CCDC187: variants seen among roughly 807,000 people sequenced by gnomAD.
CCDC187 encodes the protein coiled-coil domain-containing protein 187.
CCDC187 carries 32 observed loss-of-function variants against 38.0 expected under a neutral mutation model. That is an observed-to-expected ratio of 0.84 (90% CI 0.64 to 1.13). CCDC187 has a LOEUF of 1.13. Among genes scored for constraint, CCDC187 ranks in the 50% most tolerant of loss-of-function variants. The pLI is 0.00. For missense variants in CCDC187, 707 were observed against 786.8 expected, an observed-to-expected ratio of 0.90 and a Z score of 1.21; for synonymous variants, 333 against 347.9, an observed-to-expected ratio of 0.96 and a Z score of 0.48.
chr9:136,281,601 G>A lies in CCDC187; in HGVS notation c.2990C>T (p.Pro997Leu), dbSNP rs927393303. The A allele has an allele frequency of 1.0e-5, 4 of 398,492 alleles. No homozygotes were observed. The highest frequency in any genetic ancestry group is 4.4e-5 in the Admixed American group (1 of 22,708). 24.7% of individuals were successfully genotyped at this position (398,492 alleles called of 1,614,324 possible). A position where few individuals can be genotyped will look rare whatever the true frequency, so the allele number is the denominator to read the frequency against. Residue 997 changes from proline to leucine, a missense_variant, in exon 10 of 26, where the codon CCG becomes CTG. By Grantham distance (98) the Pro-to-Leu change is moderately conservative. Transcript: ENST00000638797. The stretch of plus-strand genomic sequence containing the variant: ...CACAGAATCTGCCCCTCCGACCGAC[G>A]GCGTCTCCTCCAGTCCCAGGGAGCC... ...IWGSLGLEET[P>L]SVGGADSVAP...
chr9:136,285,182 C>T (rs1417967983), intron 9 of CCDC187, among the ~76,000 whole-genome samples: 1 of 152,100 alleles, frequency 6.6e-6, no homozygotes, highest in Non-Finnish European at 1.5e-5. Flanking sequence ...GCAAGGACCA[C>T]CCGAGTCACT....
intron 19 of CCDC187, among the ~76,000 whole-genome samples, chr9:136,262,099 C>T (rs1402046536): frequency 2.0e-5 from 3 of 152,246 alleles, no homozygotes; most frequent in African/African-American, 7.2e-5. Context: ...CCAAAGCCAA[C>T]GGCCATACGG....
intron 21 of CCDC187, 54 bp downstream of exon 21, chr9:136,259,309 G>GGGTACCAAGA (rs1830653516): frequency 2.7e-6 from 2 of 743,796 alleles, no homozygotes; most frequent in Admixed American, 6.4e-5. Flanking sequence ...TTGGGGGGGG[G>GGGTACCAAGA]TGGTCCCTGA....
chr9:136,259,950 G>A (rs1830661518), intron 20 of CCDC187, among the ~76,000 whole-genome samples, 169 bp downstream of exon 20: 1 of 152,192 alleles, frequency 6.6e-6, no homozygotes, highest in South Asian at 2.1e-4. Flanking sequence ...GTGCTCTGCT[G>A]TGCTGAGATG....
At chr9:136,259,862 G>A (rs1554760772) in intron 20 of CCDC187, among the ~76,000 whole-genome samples, 1 of 152,196 alleles carries the variant, frequency 6.6e-6, no homozygotes, top group South Asian at 2.1e-4. Context: ...TTTCCCGGCT[G>A]GCACACCCCT....
chr9:136,284,161 C>T (rs1287548187), intron 9 of CCDC187, among the ~76,000 whole-genome samples: 1 of 152,046 alleles, frequency 6.6e-6, no homozygotes, highest in Non-Finnish European at 1.5e-5. Context: ...GAAGGCTGGG[C>T]TTCGGGAGAG....
chr9:136,303,214 C>A lies in CCDC187; in HGVS notation c.223G>T (p.Ala75Ser). The A allele has an allele frequency of 2.5e-6, 1 of 398,530 alleles. No homozygotes were observed. The allele number at this position is 398,530 out of a possible 1,614,324, so 24.7% of individuals were successfully genotyped here. A position where few individuals can be genotyped will look rare whatever the true frequency, so the allele number is the denominator to read the frequency against. ...TCAGACCCGACCACGTGGGGAGCTG[C>A]CCAGGGTGGGTCTGGCTGCTGGGAG... ...GPSQQPDPPW[A>S]APHVVGSDDL... The change falls in exon 2 of 26, where the codon GCA becomes TCA. Residue 75 changes from alanine (A) to serine (S), a missense_variant. By Grantham distance (99) the Ala-to-Ser change is moderately conservative. Transcript: ENST00000638797.
chr9:136,284,961 G>C (rs1284274101), intron 9 of CCDC187, among the ~76,000 whole-genome samples: 2 of 152,124 alleles, frequency 1.3e-5, no homozygotes, highest in African/African-American at 4.8e-5. Context: ...CGCTGGGGTA[G>C]GGCAGATGCT....
At chr9:136,267,860 AG>A in intron 15 of CCDC187, 188 bp downstream of exon 15, 1 of 985,398 alleles carries the variant, frequency 1.0e-6, no homozygotes, top group South Asian at 4.7e-5. Flanking sequence ...TCTGTCACCC[AG>A]GGCGGGAGGA....
At chr9:136,305,934 C>T (rs1831796923), upstream of CCDC187, among the ~76,000 whole-genome samples, 1 of 152,202 alleles carries the variant, frequency 6.6e-6, no homozygotes. Context: ...TCAGGAGACA[C>T]ACGTCAGCTC....
intron 3 of CCDC187, among the ~76,000 whole-genome samples, chr9:136,300,008 T>TGGGTCCTGCCC (rs1325204761): frequency 1.3e-5 from 2 of 152,246 alleles, no homozygotes; most frequent in Non-Finnish European, 2.9e-5. Context: ...AGGGCCTGCC[T>TGGGTCCTGCCC]GGGTCCTGCC....
intron 10 of CCDC187, among the ~76,000 whole-genome samples, chr9:136,279,273 A>G (rs1830994122): frequency 6.6e-6 from 1 of 152,128 alleles, no homozygotes; most frequent in Admixed American, 6.5e-5. Flanking sequence ...GTTTCACTGG[A>G]CAGCTCTGCT....
At chr9:136,282,937 A>G (rs1184102884) in intron 9 of CCDC187, among the ~76,000 whole-genome samples, 3 of 152,218 alleles carry the variant, frequency 2.0e-5, no homozygotes, top group African/African-American at 4.8e-5. Context: ...GACAGAGGGG[A>G]CAGACTCACC....
rs1435720343 is a variant in CCDC187, at chr9:136,253,793, AG to A, written c.6034del (p.Leu2012TyrfsTer155). 1.1e-6 allele frequency: 1 copy of A among 924,376 alleles called. No homozygotes were observed. Among genetic ancestry groups the A allele is most frequent in the Middle Eastern group, 5.7e-4 (1 of 1,766 alleles). 57.3% of individuals were successfully genotyped at this position (924,376 alleles called of 1,614,324 possible). A position where few individuals can be genotyped will look rare whatever the true frequency, so the allele number is the denominator to read the frequency against. On this transcript the variant is annotated frameshift_variant, in exon 26 of 26. Coordinates refer to ENST00000638797, the MANE Select transcript of CCDC187 (RefSeq NM_001378188.1). LOFTEE classifies it low-confidence loss of function (END_TRUNC). ...TTGGGGAGTGGGAGGAGGTGGGGGT[AG>A]GGGGGCCTCCCTGTGGATGGAGGAC... ...LPSSIHREAPLPPPPPTPQAQ... is the reference protein window; with the variant it reads ...LPSSIHREAPXPPPPPTPQAQ...
intron 10 of CCDC187, among the ~76,000 whole-genome samples, chr9:136,277,030 G>C (rs1343258824): frequency 6.6e-6 from 1 of 151,994 alleles, no homozygotes; most frequent in Non-Finnish European, 1.5e-5. Flanking sequence ...GCCTGACCCC[G>C]GCCAGGACCA....
chr9:136,301,476 A>G (rs1378238577), intron 2 of CCDC187, among the ~76,000 whole-genome samples: 2 of 152,062 alleles, frequency 1.3e-5, no homozygotes, highest in Non-Finnish European at 2.9e-5. Flanking sequence ...GAAGATGAAC[A>G]GTCCTGGAGA....
chr9:136,286,254 G>A lies in CCDC187; in HGVS notation c.2664C>T (p.Ala888=). The A allele has an allele frequency of 2.5e-6, 1 of 398,570 alleles. No individual in the cohort carries two copies. 24.7% of individuals were successfully genotyped at this position (398,570 alleles called of 1,614,324 possible). ...CCCCTCTGCCCCAGTTGGGCCCCAAGGCTCCAGGGCAGGCTGGGGTGGCAA... is the reference window on the plus strand; with the variant it reads ...CCCCTCTGCCCCAGTTGGGCCCCAAAGCTCCAGGGCAGGCTGGGGTGGCAA... ...PTLATPACPG[A]LGPNWGRGAP... is the part of the protein sequence containing the mutation. Residue 888 remains alanine, a synonymous_variant, in exon 8 of 26, where the codon GCC becomes GCT. Transcript: ENST00000638797.
At position 136,251,912 on chromosome 9, in the gene CCDC187, CCTGGTCCACCCTGGGAAGAG is replaced by C. The variant is rs1564303154; in HGVS notation, c.*1662_*1681del. On this transcript the variant is annotated 3_prime_UTR_variant, in exon 26 of 26. Coordinates refer to ENST00000638797, the MANE Select transcript of CCDC187 (RefSeq NM_001378188.1). ...ACCGTCCCGCGGAGCCGGCCGCCCACCTGGTCCACCCTGGGAAGAGCCGGCCGCCCACCCAGTCCACCCCG... is the reference window on the plus strand; with the variant it reads ...ACCGTCCCGCGGAGCCGGCCGCCCACCCGGCCGCCCACCCAGTCCACCCCG... The C allele has an allele frequency of 3.6e-5, 5 of 139,644 alleles. No individual in the cohort carries two copies. The highest frequency in any genetic ancestry group is 2.2e-4 in the East Asian group (1 of 4,512). 8.7% of individuals were successfully genotyped at this position (139,644 alleles called of 1,614,324 possible).
rs1307552061 is a variant in CCDC187, at chr9:136,293,219, ACACTCACACT to A, written c.833-934_833-925del. 5.9e-5 allele frequency among the ~76,000 whole-genome samples: 6 copies of A among 101,286 alleles called. No homozygotes were observed. The East Asian group carries it at 1.4e-3, about 24-fold the overall frequency. The allele number at this position is 101,286 out of a possible 152,430, so 66.4% of individuals were successfully genotyped here. On this transcript the variant is annotated intron_variant, in intron 4 of 25. Coordinates refer to ENST00000638797, the MANE Select transcript of CCDC187 (RefSeq NM_001378188.1). ...CACACACTCACAAACACATGCTCAC[ACACTCACACT>A]CACACGCTCACACTCACATGCTTAC... is the stretch of plus-strand genomic sequence containing the variant.
Sources: allele counts gnomAD v4.1 joint callset (sites outside exome capture counted in the v4.1 genomes callset), GRCh38; gene constraint gnomAD v4.1.1; transcripts MANE v1.5; gene names NCBI Gene and HGNC (gene_info 2026-07-23, HGNC 2026-07-21).